Variants in TEX36 observed in about 807,000 individuals in gnomAD.
TEX36 encodes testis-expressed protein 36.
Under a neutral mutation model 13.6 loss-of-function variants are expected in TEX36, and 12 were observed. The ratio of observed to expected loss-of-function variants is 0.88; its 90% confidence interval spans 0.56 to 1.43. TEX36 has a LOEUF of 1.43. Ranked by LOEUF, TEX36 falls within the 40% of genes most tolerant of loss-of-function variation. TEX36 has a pLI of 0.00. For synonymous variants in TEX36, 93 were observed against 83.0 expected, an observed-to-expected ratio of 1.12 and a Z score of -0.65; for missense variants, 224 against 228.3, an observed-to-expected ratio of 0.98 and a Z score of 0.12.
chr10:125,623,751 T>C (rs1298037897), intron 3 of TEX36, among the ~76,000 whole-genome samples: 1 of 152,196 alleles, frequency 6.6e-6, no homozygotes. Context: ...GAAGTCTCAC[T>C]GTGAATGTTG....
intron 3 of TEX36, among the ~76,000 whole-genome samples, chr10:125,577,419 A>C (rs1845837378): frequency 6.6e-6 from 1 of 152,162 alleles, no homozygotes. Context: ...GCATCACTTT[A>C]GCCTGGGAGG....
intron 3 of TEX36, among the ~76,000 whole-genome samples, chr10:125,597,825 G>A (rs564737290): frequency 6.6e-6 from 1 of 152,142 alleles, no homozygotes; most frequent in Non-Finnish European, 1.5e-5. Context: ...CGGGGGGCCT[G>A]GGTTTCCAAA....
intron 3 of TEX36, among the ~76,000 whole-genome samples, chr10:125,610,670 T>C (rs1393042844): frequency 1.3e-5 from 2 of 152,164 alleles, no homozygotes; most frequent in African/African-American, 2.4e-5. Flanking sequence ...TTTTTTTAAA[T>C]TTTAACCTTG....
downstream of TEX36, among the ~76,000 whole-genome samples, chr10:125,620,728 A>G (rs1173812926): frequency 2.6e-5 from 4 of 152,224 alleles, no homozygotes; most frequent in Non-Finnish European, 5.9e-5. Flanking sequence ...CCATCTCCAG[A>G]ACATTTTCAT....
At chr10:125,631,005 C>T (rs1846548319) in intron 3 of TEX36, among the ~76,000 whole-genome samples, 2 of 151,718 alleles carry the variant, frequency 1.3e-5, no homozygotes, top group Admixed American at 1.3e-4. Context: ...TCCCCATCCC[C>T]ACTTCTGCCT....
chr10:125,669,084 A>G (rs1240930175), intron 1 of TEX36, among the ~76,000 whole-genome samples: 2 of 152,272 alleles, frequency 1.3e-5, no homozygotes, highest in East Asian at 1.9e-4. Flanking sequence ...CGAGGTCAAG[A>G]GATCGAGACC....
exon 4 of TEX36, chr10:125,576,840 G>T: frequency 6.5e-7 from 1 of 1,536,106 alleles, no homozygotes; most frequent in Non-Finnish European, 8.7e-7. Context: ...TCTCTTGTCT[G>T]GTTCTCCCTG....
At chr10:125,605,540 A>G (rs1163396374) in intron 3 of TEX36, among the ~76,000 whole-genome samples, 9 of 152,246 alleles carry the variant, frequency 5.9e-5, no homozygotes, top group Non-Finnish European at 1.3e-4. Context: ...TAGTGAAAAC[A>G]AAAAAGAGTG....
Position 125,667,974 on chromosome 10 carries a change from G to C in TEX36, c.52-5997C>G. 9 of 840,718 alleles carry C rather than the reference G, an allele frequency of 1.1e-5. No individual in the cohort carries two copies. The South Asian group carries it at 1.2e-4, about 12-fold the overall frequency. The allele number at this position is 840,718 out of a possible 1,614,324, so 52.1% of individuals were successfully genotyped here. ...ATGGTGCTGGTGGTGGCAAGTTCCA[G>C]TGCTTCAAAGGAAATTTCTTCCTTG... is the stretch of plus-strand genomic sequence containing the variant. On this transcript the variant is annotated intron_variant, in intron 1 of 3. Transcript: ENST00000368821.
intron 3 of TEX36, among the ~76,000 whole-genome samples, chr10:125,659,940 C>T (rs1303924685): frequency 6.6e-6 from 1 of 152,124 alleles, no homozygotes; most frequent in East Asian, 1.9e-4. Context: ...TCTGGTAGCC[C>T]CTAGCCACAT....
intron 3 of TEX36, among the ~76,000 whole-genome samples, chr10:125,642,556 C>T (rs367942316): frequency 1.3e-5 from 2 of 152,160 alleles, no homozygotes; most frequent in African/African-American, 4.8e-5. Flanking sequence ...TTTTAGTGAA[C>T]ATAAAATCCC....
chr10:125,662,086 G>T (rs866430986), intron 1 of TEX36, 109 bp from the exon 2 acceptor site: 4 of 1,381,052 alleles, frequency 2.9e-6, no homozygotes, highest in Middle Eastern at 1.8e-4. Flanking sequence ...GGTGCTTTTG[G>T]CATGCAATGG....
chr10:125,664,415 T>G (rs1271380121), intron 1 of TEX36, among the ~76,000 whole-genome samples: 1 of 152,210 alleles, frequency 6.6e-6, no homozygotes, highest in Non-Finnish European at 1.5e-5. Context: ...GGAACCTCTA[T>G]ACTATTTTCC....
intron 3 of TEX36, among the ~76,000 whole-genome samples, chr10:125,627,193 G>A (rs1252289261): frequency 9.9e-5 from 15 of 152,098 alleles, no homozygotes; most frequent in Non-Finnish European, 4.4e-5. Context: ...CTGATTTTGG[G>A]GCATATTGAC....
intron 3 of TEX36, among the ~76,000 whole-genome samples, chr10:125,623,037 C>A (rs1395602121): frequency 6.6e-6 from 1 of 152,174 alleles, no homozygotes; most frequent in Admixed American, 6.5e-5. Context: ...GGTGCCACTT[C>A]CACTTTCATC....
rs7895499 is a variant in TEX36 at position 125,667,540 on chromosome 10, C to T, written c.52-5563G>A. On this transcript the variant is annotated intron_variant, in intron 1 of 3. Transcript: ENST00000368821. ...TGAAGTCAGCTCCATCCTTCTTGTACTGGGCACAGCACTCAGACAGCCCAT... is the reference window on the plus strand; with the variant it reads ...TGAAGTCAGCTCCATCCTTCTTGTATTGGGCACAGCACTCAGACAGCCCAT... 0.019 allele frequency: 13,995 copies of T among 735,890 alleles called. 1,177 individuals carry two copies. In the African/African-American group the frequency reaches 0.2, roughly 10 times the overall value. 45.6% of individuals were successfully genotyped at this position (735,890 alleles called of 1,614,324 possible). A position where few individuals can be genotyped will look rare whatever the true frequency, so the allele number is the denominator to read the frequency against.
intron 3 of TEX36, chr10:125,640,280 C>T: frequency 1.1e-6 from 1 of 871,084 alleles, no homozygotes; most frequent in South Asian, 5.2e-5. Context: ...CTGTATTACC[C>T]AATTTGGGAA....
downstream of TEX36, among the ~76,000 whole-genome samples, chr10:125,617,194 T>C (rs1337879020): frequency 2.0e-5 from 3 of 151,794 alleles, no homozygotes. Context: ...GCACGTGAGA[T>C]GGGTTTCCTG....
chr10:125,663,935 T>C (rs1847085894), intron 1 of TEX36, among the ~76,000 whole-genome samples: 1 of 152,184 alleles, frequency 6.6e-6, no homozygotes, highest in Non-Finnish European at 1.5e-5. Flanking sequence ...TGCTATCAAC[T>C]ACTAGATCTT....
Sources: allele counts gnomAD v4.1 joint callset (sites outside exome capture counted in the v4.1 genomes callset), GRCh38; gene constraint gnomAD v4.1.1; transcripts MANE v1.5; gene names NCBI Gene and HGNC (gene_info 2026-07-23, HGNC 2026-07-21).